C1QTNF3: variants seen among roughly 807,000 people sequenced by gnomAD.
The protein encoded by C1QTNF3 is C1q and TNF related 3.
A neutral mutation model predicts 32.6 loss-of-function variants in C1QTNF3; 26 were observed. The observed-to-expected ratio is 0.80, with a 90% CI of 0.58 to 1.11. The LOEUF is 1.11. Ranked by LOEUF, C1QTNF3 falls within the 50% of genes least tolerant of loss-of-function variation. C1QTNF3 has a pLI of 0.00. For synonymous variants in C1QTNF3, 155 were observed against 146.0 expected, an observed-to-expected ratio of 1.06 and a Z score of -0.44; for missense variants, 362 against 398.2, an observed-to-expected ratio of 0.91 and a Z score of 0.77.
the C1QTNF3 span, among the ~76,000 whole-genome samples, chr5:34,195,770 G>A: frequency 6.6e-6 from 1 of 152,186 alleles, no homozygotes; most frequent in Non-Finnish European, 1.5e-5. Flanking sequence ...AACCCAGGAG[G>A]CGGAGCTTGT....
At chr5:34,168,132 T>C in the C1QTNF3 span, 1 of 152,204 alleles carries the variant, frequency 6.6e-6, no homozygotes, top group Non-Finnish European at 1.5e-5. Flanking sequence ...TGAAATTCTG[T>C]AAACAGTATT....
upstream of C1QTNF3, among the ~76,000 whole-genome samples, chr5:34,046,547 A>T (rs566490454): frequency 2.0e-5 from 3 of 152,338 alleles, no homozygotes; most frequent in African/African-American, 7.2e-5. Flanking sequence ...GCAGACCACC[A>T]GAAGGTAGGT....
chr5:34,244,115 C>T, the C1QTNF3 span, among the ~76,000 whole-genome samples: 207 of 152,286 alleles, frequency 1.4e-3, 1 homozygote, highest in African/African-American at 4.3e-3. Context: ...TCATAGTTTT[C>T]ATATTCTGCC....
the C1QTNF3 span, among the ~76,000 whole-genome samples, chr5:34,142,572 G>A: frequency 1.3e-5 from 2 of 152,160 alleles, no homozygotes; most frequent in African/African-American, 4.8e-5. Flanking sequence ...GCAAATGCAA[G>A]AAAAGACAAA....
the C1QTNF3 span, among the ~76,000 whole-genome samples, chr5:34,221,885 G>C: frequency 1.4e-4 from 21 of 151,962 alleles, no homozygotes; most frequent in Non-Finnish European, 2.5e-4. Context: ...CAAGCAGCCG[G>C]TCATTTTTCT....
the C1QTNF3 span, among the ~76,000 whole-genome samples, chr5:34,156,191 C>T: frequency 6.6e-6 from 1 of 152,186 alleles, no homozygotes; most frequent in African/African-American, 2.4e-5. Flanking sequence ...CTGCCTCTGC[C>T]TCCCCAGTGG....
chr5:34,146,360 G>A, the C1QTNF3 span, among the ~76,000 whole-genome samples: 2 of 152,236 alleles, frequency 1.3e-5, no homozygotes, highest in Middle Eastern at 3.4e-3. Context: ...AATAACCAAT[G>A]CAATTCTAGG....
chr5:34,211,847 A>C, the C1QTNF3 span, among the ~76,000 whole-genome samples: 4 of 151,882 alleles, frequency 2.6e-5, no homozygotes, highest in Admixed American at 1.3e-4. Flanking sequence ...TTTATAGATT[A>C]AATGCCATCC....
chr5:34,145,101 C>A, the C1QTNF3 span, among the ~76,000 whole-genome samples: 2 of 151,978 alleles, frequency 1.3e-5, no homozygotes, highest in Admixed American at 6.6e-5. Flanking sequence ...TGCACTCCAG[C>A]CTGGGTGACA....
chr5:34,233,755 T>C, the C1QTNF3 span, among the ~76,000 whole-genome samples: 1 of 152,134 alleles, frequency 6.6e-6, no homozygotes, highest in African/African-American at 2.4e-5. Flanking sequence ...TTTTGCTTCC[T>C]ATACTGTCTT....
the C1QTNF3 span, among the ~76,000 whole-genome samples, chr5:34,126,400 CATTTT>C: frequency 1.3e-5 from 2 of 150,226 alleles, no homozygotes; most frequent in Non-Finnish European, 3.0e-5. Flanking sequence ...GCATTAAATA[CATTTT>C]ATTTAACTCA....
At chr5:34,021,340 T>G (rs1754322964) in intron 5 of C1QTNF3, among the ~76,000 whole-genome samples, 2 of 152,356 alleles carry the variant, frequency 1.3e-5, no homozygotes, top group African/African-American at 4.8e-5. Context: ...AAGACAGATC[T>G]AATGCCTGTA....
the C1QTNF3 span, among the ~76,000 whole-genome samples, chr5:34,195,812 C>T: frequency 6.7e-6 from 1 of 149,256 alleles, no homozygotes; most frequent in Non-Finnish European, 1.5e-5. Context: ...TGCACTCCAG[C>T]CTGGGTGACA....
chr5:34,144,802 A>G, the C1QTNF3 span, among the ~76,000 whole-genome samples: 1 of 152,222 alleles, frequency 6.6e-6, no homozygotes, highest in African/African-American at 2.4e-5. Context: ...AAAAGCTTAT[A>G]GGCCTAAACA....
the C1QTNF3 span, among the ~76,000 whole-genome samples, chr5:34,056,420 A>ATGTGTT: frequency 2.6e-5 from 1 of 38,744 alleles, no homozygotes; most frequent in Non-Finnish European, 4.8e-5. Context: ...ATGTATATGT[A>ATGTGTT]TGTGTGTGTG....
the C1QTNF3 span, chr5:34,124,283 C>T: frequency 3.9e-6 from 2 of 518,860 alleles, no homozygotes; most frequent in Middle Eastern, 5.1e-4. Flanking sequence ...TCTATAATCA[C>T]ATCCAAAAAC....
chr5:34,116,262 G>A, the C1QTNF3 span, among the ~76,000 whole-genome samples: 1 of 151,988 alleles, frequency 6.6e-6, no homozygotes, highest in South Asian at 2.1e-4. Context: ...ATTTTATTGA[G>A]GCTTTTAAAA....
At chr5:34,035,624 C>T (rs1561059302) in intron 2 of C1QTNF3, 23 bp downstream of exon 2, 3 of 1,513,622 alleles carry the variant, frequency 2.0e-6, no homozygotes, top group Admixed American at 1.7e-5. Flanking sequence ...ATTAGATTGA[C>T]AGTATGTCTT....
intron 4 of C1QTNF3, among the ~76,000 whole-genome samples, chr5:34,027,315 G>A (rs1052635525): frequency 6.6e-6 from 1 of 152,088 alleles, no homozygotes; most frequent in Non-Finnish European, 1.5e-5. Context: ...GAGCAATTTG[G>A]CAAAATTGAT....
Sources: allele counts gnomAD v4.1 joint callset (sites outside exome capture counted in the v4.1 genomes callset), GRCh38; gene constraint gnomAD v4.1.1; transcripts MANE v1.5; gene names NCBI Gene and HGNC (gene_info 2026-07-23, HGNC 2026-07-21).